Variants in GABRG3 observed in about 807,000 individuals in gnomAD.
GABRG3 encodes gamma-aminobutyric acid receptor subunit gamma-3.
A neutral mutation model predicts 48.8 loss-of-function variants in GABRG3; 25 were observed. The ratio of observed to expected loss-of-function variants is 0.51; its 90% CI spans 0.37 to 0.72. The LOEUF (loss-of-function observed/expected upper bound fraction) is 0.72. GABRG3 is among the 30% of genes least tolerant of loss of function. The probability of loss-of-function intolerance (pLI) is 0.00; values close to 1 mark genes in which losing one functional copy is unlikely to be tolerated. For missense variants in GABRG3, 394 were observed against 577.9 expected, an observed-to-expected ratio of 0.68 and a Z score of 3.26; for synonymous variants, 227 against 217.6, an observed-to-expected ratio of 1.04 and a Z score of -0.38.
intron 5 of GABRG3, among the ~76,000 whole-genome samples, chr15:27,422,893 C>G (rs1566833871): frequency 6.6e-6 from 1 of 152,102 alleles, no homozygotes; most frequent in Non-Finnish European, 1.5e-5. Flanking sequence ...GGATACAGAG[C>G]AAGAGCAACT....
intron 7 of GABRG3, among the ~76,000 whole-genome samples, chr15:27,520,894 A>G (rs375763074): frequency 6.8e-6 from 1 of 147,100 alleles, no homozygotes; most frequent in African/African-American, 2.5e-5. Flanking sequence ...TTTTTTTTTT[A>G]TTTGTTTGTT....
intron 3 of GABRG3, among the ~76,000 whole-genome samples, chr15:27,241,385 A>G (rs1287794975): frequency 6.6e-6 from 1 of 152,246 alleles, no homozygotes; most frequent in East Asian, 1.9e-4. Flanking sequence ...AACAGTTTCT[A>G]GAACTGTTAT....
chr15:27,176,792 G>T (rs1211490300), intron 3 of GABRG3, among the ~76,000 whole-genome samples: 1 of 152,162 alleles, frequency 6.6e-6, no homozygotes, highest in Non-Finnish European at 1.5e-5. Context: ...AAGACTTAGG[G>T]CATGCCATAG....
chr15:27,420,035 T>C (rs951768213), intron 5 of GABRG3, among the ~76,000 whole-genome samples: 2 of 152,236 alleles, frequency 1.3e-5, no homozygotes, highest in African/African-American at 4.8e-5. Flanking sequence ...TAGCCAAGGC[T>C]GTGAAGAACA....
intron 3 of GABRG3, among the ~76,000 whole-genome samples, chr15:27,057,908 A>C (rs1172363092): frequency 6.6e-6 from 1 of 152,196 alleles, no homozygotes; most frequent in African/African-American, 2.4e-5. Flanking sequence ...CTCCCATTGC[A>C]ACTCGAGAGG....
chr15:27,384,629 T>C (rs1472582145), intron 5 of GABRG3, among the ~76,000 whole-genome samples: 1 of 152,188 alleles, frequency 6.6e-6, no homozygotes, highest in African/African-American at 2.4e-5. Flanking sequence ...CCTAATTATT[T>C]AGTAATATTC....
intron 3 of GABRG3, among the ~76,000 whole-genome samples, chr15:27,272,356 C>T (rs181286687): frequency 2.5e-4 from 38 of 152,258 alleles, no homozygotes; most frequent in African/African-American, 8.7e-4. Flanking sequence ...GGTTGGAACC[C>T]CCAGACGGGG....
At chr15:27,209,011 G>A (rs532449474) in intron 3 of GABRG3, among the ~76,000 whole-genome samples, 8 of 152,174 alleles carry the variant, frequency 5.3e-5, no homozygotes, top group African/African-American at 7.2e-5. Context: ...TGAGCCTGGC[G>A]GACCTTGTTG....
chr15:27,442,414 G>A (rs894163814), intron 5 of GABRG3, among the ~76,000 whole-genome samples: 1 of 152,228 alleles, frequency 6.6e-6, no homozygotes, highest in South Asian at 2.1e-4. Flanking sequence ...AGGAGTGACA[G>A]AATACACTCC....
intron 3 of GABRG3, among the ~76,000 whole-genome samples, chr15:27,111,116 G>A (rs1411561893): frequency 2.0e-5 from 3 of 151,806 alleles, no homozygotes; most frequent in Admixed American, 6.6e-5. Context: ...GTTTCAGTTT[G>A]TGCAGTTTCT....
At chr15:27,026,856 G>A (rs1006362554) in intron 3 of GABRG3, 35 bp downstream of exon 3, 7 of 1,436,074 alleles carry the variant, frequency 4.9e-6, no homozygotes, top group Non-Finnish European at 6.7e-6. Context: ...TCTAACGGCT[G>A]TTGCACCTCT....
chr15:27,148,189 A>G (rs208163), intron 3 of GABRG3, among the ~76,000 whole-genome samples: 8,546 of 151,920 alleles, frequency 0.056, 411 homozygotes, highest in African/African-American at 0.12. Flanking sequence ...TTATTAGATT[A>G]TAATCTATAA....
chr15:27,328,712 C>T lies in GABRG3; in HGVS notation c.492-94C>T, dbSNP rs538002043. On this transcript the variant is annotated intron_variant, in intron 4 of 9. Transcript: ENST00000615808. ...GCACATGCTGCCCTGGGTGACGGAACGGCCCTCTCCATCCCCACATGGGGT... is the reference window on the plus strand; with the variant it reads ...GCACATGCTGCCCTGGGTGACGGAATGGCCCTCTCCATCCCCACATGGGGT... 5.6e-5 allele frequency: 53 copies of T among 950,372 alleles called. 3 individuals are homozygous for T. Among genetic ancestry groups the T allele is most frequent in the African/African-American group, 4.2e-4 (26 of 61,612 alleles). The allele number at this position is 950,372 out of a possible 1,614,324, so 58.9% of individuals were successfully genotyped here.
intron 5 of GABRG3, among the ~76,000 whole-genome samples, chr15:27,435,412 G>A (rs1385104176): frequency 6.6e-6 from 1 of 152,078 alleles, no homozygotes; most frequent in Non-Finnish European, 1.5e-5. Flanking sequence ...ATAAATAAAT[G>A]TGTGTTGCTC....
intron 3 of GABRG3, among the ~76,000 whole-genome samples, chr15:27,129,652 A>C (rs1430186629): frequency 2.6e-5 from 4 of 151,296 alleles, no homozygotes; most frequent in Middle Eastern, 3.2e-3. Flanking sequence ...CATTGTTACC[A>C]GCAGTGCAAA....
chr15:27,055,013 T>A (rs1595496687), intron 3 of GABRG3, among the ~76,000 whole-genome samples: 1 of 151,320 alleles, frequency 6.6e-6, no homozygotes, highest in African/African-American at 2.4e-5. Context: ...CCTGTTTTTT[T>A]TTTTTTTTTT....
chr15:27,368,789 T>A (rs1177558061), intron 5 of GABRG3, among the ~76,000 whole-genome samples: 4 of 151,886 alleles, frequency 2.6e-5, no homozygotes, highest in African/African-American at 4.8e-5. Flanking sequence ...TGCATGGGAG[T>A]CTGGGAGGCT....
chr15:27,255,986 T>C (rs1182994170), intron 3 of GABRG3, among the ~76,000 whole-genome samples: 1 of 152,194 alleles, frequency 6.6e-6, no homozygotes, highest in East Asian at 1.9e-4. Context: ...CCAGAACCTG[T>C]GTCTATGTTA....
intron 6 of GABRG3, among the ~76,000 whole-genome samples, chr15:27,491,749 C>T (rs367952306): frequency 6.6e-6 from 1 of 152,068 alleles, no homozygotes; most frequent in Non-Finnish European, 1.5e-5. Context: ...AAAGTGTGAT[C>T]AGAACAAAAA....
Sources: allele counts gnomAD v4.1 joint callset (sites outside exome capture counted in the v4.1 genomes callset), GRCh38; gene constraint gnomAD v4.1.1; transcripts MANE v1.5; gene names NCBI Gene and HGNC (gene_info 2026-07-23, HGNC 2026-07-21).